RIN2: variants seen among roughly 807,000 people sequenced by gnomAD.
RIN2 encodes the protein Ras and Rab interactor 2.
RIN2 carries 36 observed loss-of-function variants against 78.0 expected under a neutral mutation model. The observed-to-expected ratio is 0.46, with a 90% confidence interval of 0.35 to 0.61. RIN2 has a LOEUF of 0.61. Among genes scored for constraint, RIN2 ranks in the 20% least tolerant of loss-of-function variants. The pLI is 0.00. For missense variants in RIN2, 1,087 were observed against 1,159.7 expected, an observed-to-expected ratio of 0.94 and a Z score of 0.91; for synonymous variants, 466 against 466.8, an observed-to-expected ratio of 1.00 and a Z score of 0.02.
chr20:19,964,087 C>T (rs1466968421), intron 6 of RIN2, among the ~76,000 whole-genome samples: 4 of 152,036 alleles, frequency 2.6e-5, no homozygotes, highest in African/African-American at 9.7e-5. Context: ...TGGTGTCAAA[C>T]TCCTGACCTC....
chr20:19,799,792 G>T (rs768603025), intron 2 of RIN2, 45 bp downstream of exon 2: 1 of 152,148 alleles, frequency 6.6e-6, no homozygotes, highest in East Asian at 1.9e-4. Flanking sequence ...CCACCCCAGC[G>T]TTTTCTTCAT....
At chr20:19,815,853 G>A (rs1216864011) in intron 2 of RIN2, among the ~76,000 whole-genome samples, 3 of 152,218 alleles carry the variant, frequency 2.0e-5, no homozygotes, top group Non-Finnish European at 2.9e-5. Context: ...GATGAAAGTT[G>A]TTGTAGCATC....
intron 1 of RIN2, among the ~76,000 whole-genome samples, chr20:19,797,340 A>G (rs2035089445): frequency 6.6e-6 from 1 of 152,242 alleles, no homozygotes; most frequent in Admixed American, 6.5e-5. Context: ...TATCCCTTGC[A>G]TTAATTGAGT....
intron 4 of RIN2, among the ~76,000 whole-genome samples, chr20:19,945,635 A>G (rs1023009431): frequency 2.2e-4 from 34 of 152,142 alleles, no homozygotes; most frequent in African/African-American, 8.2e-4. Context: ...AATTATTGTA[A>G]TTCTACACTA....
chr20:19,892,761 T>A (rs942866263), intron 3 of RIN2, among the ~76,000 whole-genome samples: 3 of 152,224 alleles, frequency 2.0e-5, no homozygotes, highest in Non-Finnish European at 4.4e-5. Context: ...TGTAGTTCTC[T>A]GTGAGGAGAA....
intron 1 of RIN2, among the ~76,000 whole-genome samples, chr20:19,778,029 G>A (rs2034372349): frequency 6.6e-6 from 1 of 152,244 alleles, no homozygotes; most frequent in Admixed American, 6.5e-5. Flanking sequence ...AAAAAAGCAT[G>A]CCTTTGTTTG....
intron 2 of RIN2, among the ~76,000 whole-genome samples, chr20:19,815,325 A>C (rs1278610138): frequency 6.6e-6 from 1 of 152,256 alleles, no homozygotes; most frequent in Non-Finnish European, 1.5e-5. Flanking sequence ...AAAAGCTAAA[A>C]TTTAAAAGTT....
At chr20:19,854,215 C>G (rs1005894712) in intron 2 of RIN2, among the ~76,000 whole-genome samples, 1 of 152,118 alleles carries the variant, frequency 6.6e-6, no homozygotes, top group Non-Finnish European at 1.5e-5. Context: ...CTTCTGAGGG[C>G]TCTGTTCTGT....
intron 1 of RIN2, among the ~76,000 whole-genome samples, chr20:19,764,455 T>C (rs1439531601): frequency 6.6e-6 from 1 of 152,212 alleles, no homozygotes; most frequent in Admixed American, 6.5e-5. Flanking sequence ...CCTGGGTGTG[T>C]CTGACTTCAG....
chr20:19,909,980 C>G (rs1356251114), intron 3 of RIN2, among the ~76,000 whole-genome samples: 1 of 152,134 alleles, frequency 6.6e-6, no homozygotes, highest in Non-Finnish European at 1.5e-5. Context: ...CAGCTTGCAT[C>G]CCAAGTGTCC....
intron 2 of RIN2, among the ~76,000 whole-genome samples, chr20:19,822,278 A>T (rs1446592849): frequency 1.3e-5 from 2 of 152,088 alleles, no homozygotes. Context: ...GAACAATGAG[A>T]GTGGCAGCAC....
intron 3 of RIN2, among the ~76,000 whole-genome samples, chr20:19,923,384 C>A (rs1268559990): frequency 6.7e-6 from 1 of 149,232 alleles, no homozygotes; most frequent in Non-Finnish European, 1.5e-5. Context: ...CCACTGTACT[C>A]CAGCCTGGGA....
intron 2 of RIN2, 35 bp from the exon 3 acceptor site, chr20:19,889,531 G>T: frequency 6.5e-7 from 1 of 1,530,500 alleles, no homozygotes; most frequent in Non-Finnish European, 8.9e-7. Flanking sequence ...TTTCCTACAG[G>T]CTGGACTAAC....
At chr20:19,803,050 C>A (rs1265025012) in intron 2 of RIN2, among the ~76,000 whole-genome samples, 1 of 152,172 alleles carries the variant, frequency 6.6e-6, no homozygotes, top group Non-Finnish European at 1.5e-5. Context: ...TTTATTGTTC[C>A]TGTTGTTCTA....
intron 11 of RIN2, among the ~76,000 whole-genome samples, chr20:19,993,576 C>G (rs1234158998): frequency 6.6e-6 from 1 of 152,148 alleles, no homozygotes; most frequent in African/African-American, 2.4e-5. Flanking sequence ...CGATCCCAGG[C>G]AGGTATGAAT....
intron 1 of RIN2, among the ~76,000 whole-genome samples, chr20:19,771,128 T>G (rs980262002): frequency 7.9e-5 from 12 of 152,166 alleles, no homozygotes; most frequent in Admixed American, 2.0e-4. Flanking sequence ...TTGGCGTGTT[T>G]GTGGAAGCTT....
At chr20:19,798,429 A>G (rs1179696063) in intron 1 of RIN2, among the ~76,000 whole-genome samples, 1 of 151,938 alleles carries the variant, frequency 6.6e-6, no homozygotes, top group South Asian at 2.1e-4. Flanking sequence ...GAGGAGATGG[A>G]GGGAAAGTCA....
At chr20:19,992,498 C>T (rs1333734490) in intron 11 of RIN2, among the ~76,000 whole-genome samples, 199 bp downstream of exon 11, 1 of 152,182 alleles carries the variant, frequency 6.6e-6, no homozygotes, top group African/African-American at 2.4e-5. Flanking sequence ...TAAAATTCTG[C>T]ACCCATGAAG....
intron 2 of RIN2, among the ~76,000 whole-genome samples, chr20:19,800,067 A>G (rs1293007395): frequency 6.6e-6 from 1 of 152,096 alleles, no homozygotes; most frequent in African/African-American, 2.4e-5. Flanking sequence ...TAGTTCATTC[A>G]ATTATCACAA....
Sources: gnomAD v4.1 joint callset for allele counts (sites outside exome capture counted in the v4.1 genomes callset) on GRCh38, gnomAD v4.1.1 for gene constraint, MANE v1.5 for transcripts, NCBI Gene and HGNC (gene_info 2026-07-23, HGNC 2026-07-21) for gene names.